The following EDIL3 variants were observed in gnomAD, a reference collection of about 807,000 sequenced individuals.
EDIL3 encodes EGF like and discoidin domains 3.
EDIL3 carries 37 observed loss-of-function variants against 67.4 expected under a neutral mutation model. The ratio of observed to expected loss-of-function variants is 0.55; its 90% CI spans 0.42 to 0.72. The LOEUF (loss-of-function observed/expected upper bound fraction) is 0.72. Ranked by LOEUF, EDIL3 falls within the 30% of genes least tolerant of loss-of-function variation. The pLI, the probability that EDIL3 is intolerant of heterozygous loss-of-function variation, is 0.00. For missense variants in EDIL3, 527 were observed against 586.3 expected, an observed-to-expected ratio of 0.90 and a Z score of 1.04; for synonymous variants, 195 against 196.3, an observed-to-expected ratio of 0.99 and a Z score of 0.05.
At chr5:84,358,127 T>C (rs1747525936) in intron 1 of EDIL3, among the ~76,000 whole-genome samples, 1 of 152,124 alleles carries the variant, frequency 6.6e-6, no homozygotes, top group South Asian at 2.1e-4. Flanking sequence ...CCAGAATTTG[T>C]AGGTTTAGAG....
At chr5:84,359,545 T>C (rs533938043) in intron 1 of EDIL3, among the ~76,000 whole-genome samples, 22 of 152,216 alleles carry the variant, frequency 1.4e-4, no homozygotes, top group Non-Finnish European at 2.4e-4. Context: ...AAAATAAATT[T>C]GCCTTCTGAT....
intron 2 of EDIL3, 40 bp downstream of exon 2, chr5:84,254,044 T>TA (rs776581168): frequency 6.5e-7 from 1 of 1,540,118 alleles, no homozygotes; most frequent in Non-Finnish European, 8.8e-7. Flanking sequence ...TTCATGGAAA[T>TA]AAAAAGATAA....
At chr5:84,225,276 C>T (rs542540310) in intron 3 of EDIL3, among the ~76,000 whole-genome samples, 9 of 151,684 alleles carry the variant, frequency 5.9e-5, no homozygotes, top group South Asian at 4.1e-4. Flanking sequence ...ATCCCCTCTA[C>T]GAGTCAACAT....
chr5:83,965,684 G>A (rs986363678), intron 9 of EDIL3, among the ~76,000 whole-genome samples: 2 of 151,878 alleles, frequency 1.3e-5, no homozygotes, highest in Non-Finnish European at 2.9e-5. Context: ...GGGTGGAGAT[G>A]TTTTCTCCCC....
intron 6 of EDIL3, among the ~76,000 whole-genome samples, chr5:84,070,459 C>T (rs950476665): frequency 2.0e-5 from 3 of 152,186 alleles, no homozygotes; most frequent in African/African-American, 4.8e-5. Flanking sequence ...CAGTGAGACA[C>T]TGAAGAAGGG....
At chr5:84,379,897 A>AT (rs1282457081) in intron 1 of EDIL3, among the ~76,000 whole-genome samples, 1 of 151,478 alleles carries the variant, frequency 6.6e-6, no homozygotes, top group Non-Finnish European at 1.5e-5. Flanking sequence ...CTTTTATTTT[A>AT]TTTTTTCCTT....
At chr5:84,342,103 T>C (rs1470764967) in intron 1 of EDIL3, among the ~76,000 whole-genome samples, 1 of 152,040 alleles carries the variant, frequency 6.6e-6, no homozygotes, top group African/African-American at 2.4e-5. Context: ...ACGGAATCAA[T>C]GTAAGTGTCC....
At chr5:84,148,243 A>C (rs1748322150) in intron 4 of EDIL3, among the ~76,000 whole-genome samples, 1 of 152,156 alleles carries the variant, frequency 6.6e-6, no homozygotes, top group Non-Finnish European at 1.5e-5. Context: ...ATTTCTGATG[A>C]GGCTTTCTGT....
chr5:84,074,481 T>C (rs1746811710), intron 6 of EDIL3, among the ~76,000 whole-genome samples: 3 of 151,894 alleles, frequency 2.0e-5, no homozygotes, highest in African/African-American at 7.3e-5. Context: ...GAATCTACAA[T>C]GAACTCAAAC....
chr5:84,029,207 A>T (rs1467473432), intron 9 of EDIL3, among the ~76,000 whole-genome samples: 1 of 152,120 alleles, frequency 6.6e-6, no homozygotes, highest in Non-Finnish European at 1.5e-5. Context: ...CAGTGAGCCA[A>T]TTGCGCCACT....
intron 9 of EDIL3, among the ~76,000 whole-genome samples, chr5:83,981,704 G>A (rs900241469): frequency 3.3e-5 from 5 of 151,828 alleles, no homozygotes; most frequent in African/African-American, 1.2e-4. Context: ...GTAACTTTAG[G>A]TCAAGCAGAA....
chr5:84,017,482 T>A (rs1454651007), intron 9 of EDIL3, among the ~76,000 whole-genome samples: 3 of 152,224 alleles, frequency 2.0e-5, no homozygotes, highest in Non-Finnish European at 2.9e-5. Flanking sequence ...CAAATATAAT[T>A]ATTCTGGTGA....
At chr5:84,098,102 A>G (rs949385708) in intron 6 of EDIL3, among the ~76,000 whole-genome samples, 1 of 70,204 alleles carries the variant, frequency 1.4e-5, no homozygotes, top group African/African-American at 4.0e-5. Flanking sequence ...AGAAATCTGA[A>G]AAAAAAAAAA....
At chr5:84,130,015 G>GTTTATTCTTGAGGATAAACAAAGGATC (rs1561439799) in intron 5 of EDIL3, among the ~76,000 whole-genome samples, 5 of 152,088 alleles carry the variant, frequency 3.3e-5, no homozygotes, top group Admixed American at 1.3e-4. Context: ...AACAAAGGAT[G>GTTTATTCTTGAGGATAAACAAAGGATC]TGTTTATTCT....
Position 84,263,756 on chromosome 5 carries a change from A to C in EDIL3, c.68-9544T>G, listed in dbSNP as rs1252333129. Among the ~76,000 whole-genome samples, 18 of 152,232 alleles carry C rather than the reference A, an allele frequency of 1.2e-4. 1 individual carries two copies. The highest frequency in any genetic ancestry group is 1.2e-3 in the Admixed American group (18 of 15,288). ...ATATATTTAAAACATCAGAAACCTG[A>C]TGATGTAGGTGCTGATAGAAGCAAC... On this transcript the variant is annotated intron_variant, in intron 1 of 10. Transcript: ENST00000296591.
chr5:83,953,371 C>A (rs1447267981), intron 10 of EDIL3, among the ~76,000 whole-genome samples: 1 of 151,500 alleles, frequency 6.6e-6, no homozygotes, highest in Admixed American at 6.6e-5. Flanking sequence ...GGTCTTTTTT[C>A]TTTTCTTAAT....
intron 5 of EDIL3, among the ~76,000 whole-genome samples, chr5:84,117,027 T>A (rs1036783696): frequency 7.9e-6 from 1 of 126,130 alleles, no homozygotes; most frequent in African/African-American, 3.3e-5. Context: ...CTTATTTTTT[T>A]TTTTTTTTTT....
chr5:84,352,066 C>G (rs1178535004), intron 1 of EDIL3, among the ~76,000 whole-genome samples: 1 of 151,804 alleles, frequency 6.6e-6, no homozygotes, highest in East Asian at 1.9e-4. Flanking sequence ...CAGAGAAATG[C>G]AAATTAAAAC....
At chr5:84,201,877 T>C (rs1365592886) in intron 3 of EDIL3, among the ~76,000 whole-genome samples, 1 of 152,120 alleles carries the variant, frequency 6.6e-6, no homozygotes, top group Non-Finnish European at 1.5e-5. Context: ...GTGCACTTCA[T>C]GCTATGATTA....
Sources: gnomAD v4.1 joint callset for allele counts (sites outside exome capture counted in the v4.1 genomes callset) on GRCh38, gnomAD v4.1.1 for gene constraint, MANE v1.5 for transcripts, NCBI Gene and HGNC (gene_info 2026-07-23, HGNC 2026-07-21) for gene names.